Variants in FAM227B observed in about 807,000 individuals in gnomAD.
FAM227B encodes the protein family with sequence similarity 227 member B, also known as protein FAM227B.
In FAM227B, 88 loss-of-function variants were observed where a neutral mutation model predicts 73.8. The observed-to-expected ratio is 1.19, with a 90% CI of 1.00 to 1.42. The LOEUF is 1.42. Among genes scored for constraint, FAM227B ranks in the 40% most tolerant of loss-of-function variants. The pLI, the probability that FAM227B is intolerant of heterozygous loss-of-function variation, is 0.00. For synonymous variants in FAM227B, 210 were observed against 190.5 expected, an observed-to-expected ratio of 1.10 and a Z score of -0.84; for missense variants, 632 against 590.9, an observed-to-expected ratio of 1.07 and a Z score of -0.72.
At chr15:49,360,306 C>G (rs1327214360) in intron 13 of FAM227B, among the ~76,000 whole-genome samples, 1 of 151,146 alleles carries the variant, frequency 6.6e-6, no homozygotes, top group Non-Finnish European at 1.5e-5. Context: ...TAACATTGTA[C>G]TCATTATGAC....
intron 11 of FAM227B, among the ~76,000 whole-genome samples, chr15:49,417,259 G>GA (rs2049280081): frequency 6.6e-6 from 1 of 152,072 alleles, no homozygotes; most frequent in Non-Finnish European, 1.5e-5. Context: ...CTGGTATGGT[G>GA]ATGCATGCCT....
At chr15:49,396,223 G>C (rs2047601581) in intron 11 of FAM227B, 1 of 353,050 alleles carries the variant, frequency 2.8e-6, no homozygotes, top group Non-Finnish European at 5.5e-6. Flanking sequence ...CCGAGTCAAA[G>C]AAAGGGGTGA....
At chr15:49,421,540 T>A (rs2049626637) in intron 11 of FAM227B, among the ~76,000 whole-genome samples, 1 of 152,218 alleles carries the variant, frequency 6.6e-6, no homozygotes. Context: ...AAGCACTCTT[T>A]GCTAACAAAC....
chr15:49,496,174 T>C (rs2057590084), intron 11 of FAM227B, among the ~76,000 whole-genome samples: 1 of 152,168 alleles, frequency 6.6e-6, no homozygotes, highest in African/African-American at 2.4e-5. Flanking sequence ...TATGAGTAAC[T>C]ACTGTGTTTC....
intron 10 of FAM227B, among the ~76,000 whole-genome samples, chr15:49,539,704 G>A (rs1307312587): frequency 3.9e-5 from 6 of 152,216 alleles, no homozygotes; most frequent in Non-Finnish European, 1.5e-5. Context: ...GGGGTCCAGA[G>A]CATGGGCATG....
chr15:49,575,264 T>C (rs2075376367), intron 7 of FAM227B, among the ~76,000 whole-genome samples, 155 bp from the exon 8 acceptor site: 1 of 152,118 alleles, frequency 6.6e-6, no homozygotes, highest in Non-Finnish European at 1.5e-5. Flanking sequence ...AATGTTAAAT[T>C]TTCTTGTAGC....
rs1331013553 is a variant in FAM227B, at chr15:49,371,783, ATAAATGAAATAAAAT to A, written c.1013-399_1013-385del. ...TAAATGAAATAAAATTCACTTATAA[ATAAATGAAATAAAAT>A]TCACTTATAAATAAATGAAATAAAA... On this transcript the variant is annotated intron_variant, in intron 11 of 15. Transcript: ENST00000299338. Among the ~76,000 whole-genome samples the A allele has an allele frequency of 5.5e-3, 817 of 148,292 alleles. 2 individuals carry two copies. The highest frequency in any genetic ancestry group is 0.022 in the East Asian group (112 of 5,056).
chr15:49,461,693 C>A (rs945709686), intron 11 of FAM227B, among the ~76,000 whole-genome samples: 1 of 152,174 alleles, frequency 6.6e-6, no homozygotes, highest in Non-Finnish European at 1.5e-5. Context: ...AGAATAAGAG[C>A]AATCCTTATT....
chr15:49,472,990 G>A (rs1439918399), intron 11 of FAM227B, among the ~76,000 whole-genome samples: 1 of 152,152 alleles, frequency 6.6e-6, no homozygotes, highest in Non-Finnish European at 1.5e-5. Flanking sequence ...TAAAGTGGCT[G>A]AATTAAAACT....
intron 3 of FAM227B, among the ~76,000 whole-genome samples, chr15:49,604,849 T>C (rs1422377103): frequency 6.6e-6 from 1 of 152,020 alleles, no homozygotes; most frequent in Non-Finnish European, 1.5e-5. Flanking sequence ...ATGGAATTTT[T>C]TGGTTTAATC....
chr15:49,386,674 A>C (rs1185899019), intron 11 of FAM227B, among the ~76,000 whole-genome samples: 1 of 151,836 alleles, frequency 6.6e-6, no homozygotes, highest in Non-Finnish European at 1.5e-5. Flanking sequence ...ATAAAATTCA[A>C]ACAAACAAAA....
At chr15:49,364,800 A>T (rs1452582934) in intron 13 of FAM227B, among the ~76,000 whole-genome samples, 1 of 152,132 alleles carries the variant, frequency 6.6e-6, no homozygotes, top group Non-Finnish European at 1.5e-5. Context: ...TTTATCTACC[A>T]TTAGAGTTGG....
Position 49,355,424 on chromosome 15 carries a change from C to T in FAM227B, c.1271+12024G>A, listed in dbSNP as rs188245750. Among the ~76,000 whole-genome samples, 973 of 152,132 alleles carry T rather than the reference C, an allele frequency of 6.4e-3. 14 individuals are homozygous for T. The highest frequency in any genetic ancestry group is 0.022 in the African/African-American group (913 of 41,476). On this transcript the variant is annotated intron_variant, in intron 13 of 15. Coordinates refer to ENST00000299338, the MANE Select transcript of FAM227B (RefSeq NM_152647.3). ...GCTAATGGAGCTGAAAACCAAGGCT[C>T]GAGAACTACGTGAAGAATGCAGAAG...
At chr15:49,550,094 C>T (rs2072657984) in intron 9 of FAM227B, among the ~76,000 whole-genome samples, 1 of 135,536 alleles carries the variant, frequency 7.4e-6, no homozygotes, top group Non-Finnish European at 1.6e-5. Context: ...ACGGGGGCGG[C>T]TGGCCGGGCA....
chr15:49,481,200 G>A (rs1412587464), intron 11 of FAM227B, among the ~76,000 whole-genome samples: 1 of 152,264 alleles, frequency 6.6e-6, no homozygotes, highest in South Asian at 2.1e-4. Flanking sequence ...TTAAATATTA[G>A]GTTGGTGCAA....
Position 49,508,329 on chromosome 15 carries a change from G to A in FAM227B, c.894C>T (p.Gly298=). Residue 298 remains glycine, a synonymous_variant, in exon 11 of 16, where the codon GGC becomes GGT. Coordinates refer to ENST00000299338, the MANE Select transcript of FAM227B (RefSeq NM_152647.3). The part of the protein sequence containing the change: ...LWCSGLKPQK[G]FWIHWKLKEL... ...CTTTCAGTTTCCAGTGGATCCAAAA[G>A]CCTTTTTGAGGTTTTAAACCTGTTA... The A allele has an allele frequency of 1.2e-6, 2 of 1,600,210 alleles. No individual in the cohort carries two copies. The highest frequency in any genetic ancestry group is 1.1e-5 in the South Asian group (1 of 88,032).
At chr15:49,565,999 A>AG (rs1360810657) in intron 9 of FAM227B, among the ~76,000 whole-genome samples, 5 of 152,186 alleles carry the variant, frequency 3.3e-5, no homozygotes, top group Admixed American at 6.5e-5. Context: ...TCCTGCTGAC[A>AG]CCTTGATTTT....
At chr15:49,590,724 C>T (rs1015182613) in intron 3 of FAM227B, among the ~76,000 whole-genome samples, 7 of 152,216 alleles carry the variant, frequency 4.6e-5, no homozygotes, top group African/African-American at 1.4e-4. Flanking sequence ...TCAAGTACAC[C>T]ATACATTATT....
At chr15:49,550,136 G>A (rs374200756) in intron 9 of FAM227B, among the ~76,000 whole-genome samples, 3,801 of 138,588 alleles carry the variant, frequency 0.027, 222 homozygotes, top group East Asian at 0.15. Flanking sequence ...CCTCCCGGAC[G>A]GGGCGGCTGG....
Sources: allele counts gnomAD v4.1 joint callset (sites outside exome capture counted in the v4.1 genomes callset), GRCh38; gene constraint gnomAD v4.1.1; transcripts MANE v1.5; gene names NCBI Gene and HGNC (gene_info 2026-07-23, HGNC 2026-07-21).